SNRPA1: variants seen among roughly 807,000 people sequenced by gnomAD.
The protein encoded by SNRPA1 is U2 small nuclear ribonucleoprotein A'.
Under a neutral mutation model 32.3 loss-of-function variants are expected in SNRPA1, and 5 were observed. The ratio of observed to expected loss-of-function variants is 0.15; its 90% CI spans 0.08 to 0.33. The LOEUF (loss-of-function observed/expected upper bound fraction) is 0.33. Among genes scored for constraint, SNRPA1 ranks in the 10% least tolerant of loss-of-function variants. The pLI, the probability that SNRPA1 is intolerant of heterozygous loss-of-function variation, is 1.00. For synonymous variants in SNRPA1, 111 were observed against 120.1 expected, an observed-to-expected ratio of 0.92 and a Z score of 0.50; for missense variants, 198 against 311.1, an observed-to-expected ratio of 0.64 and a Z score of 2.74.
At chr15:101,290,793 G>A (rs977426743) in intron 3 of SNRPA1, among the ~76,000 whole-genome samples, 2 of 146,660 alleles carry the variant, frequency 1.4e-5, no homozygotes, top group South Asian at 2.2e-4. Flanking sequence ...CCAGGCTGGA[G>A]TGCAGTGGCA....
At chr15:101,286,400 G>C in intron 5 of SNRPA1, 107 bp from the exon 6 acceptor site, 3 of 926,478 alleles carry the variant, frequency 3.2e-6, no homozygotes, top group South Asian at 3.6e-5. Context: ...ACTCCGGGCT[G>C]GTGAAAATAC....
At chr15:101,290,640 T>A (rs1033506575) in intron 3 of SNRPA1, among the ~76,000 whole-genome samples, 1 of 151,644 alleles carries the variant, frequency 6.6e-6, no homozygotes, top group Admixed American at 6.6e-5. Context: ...GACATGATCA[T>A]GTCTCACTGC....
rs1009826673 is a variant in SNRPA1, at chr15:101,294,040, C to A, written c.83-868G>T. On this transcript the variant is annotated intron_variant, in intron 1 of 8. Coordinates refer to ENST00000254193, the MANE Select transcript of SNRPA1 (RefSeq NM_003090.4). Reference sequence around the variant, plus strand: ...CCTGAGGTCGGGAGTTCGAGACCAGCCTGACCAACATGGAGAAACCATGTC... The same window carrying A: ...CCTGAGGTCGGGAGTTCGAGACCAGACTGACCAACATGGAGAAACCATGTC... Among the ~76,000 whole-genome samples the A allele has an allele frequency of 4.9e-4, 74 of 152,310 alleles. 1 individual carries two copies. The highest frequency in any genetic ancestry group is 1.7e-3 in the African/African-American group (71 of 41,554).
intron 8 of SNRPA1, among the ~76,000 whole-genome samples, chr15:101,282,309 G>T (rs1391304619): frequency 6.6e-6 from 1 of 152,206 alleles, no homozygotes; most frequent in Non-Finnish European, 1.5e-5. Flanking sequence ...AATTGTTTGG[G>T]AAACAATTGT....
rs1161412600 is a variant in SNRPA1, at chr15:101,295,164, C to T, written c.15G>A (p.Thr5=). Reference sequence around the variant, plus strand: ...GCGCCGCCTGCTCGATCAGCTCCGCCGTCAGCTTGACCATCCTGCAGCCTC... The same window carrying T: ...GCGCCGCCTGCTCGATCAGCTCCGCTGTCAGCTTGACCATCCTGCAGCCTC... The part of the protein sequence containing the change: MVKL[T]AELIEQAAQY... The change falls in exon 1 of 9, where the codon ACG becomes ACA. Residue 5 remains threonine, a synonymous_variant. Transcript: ENST00000254193. 2.6e-6 allele frequency: 4 copies of T among 1,555,680 alleles called. No homozygotes were observed. Among genetic ancestry groups the T allele is most frequent in the Middle Eastern group, 2.2e-4 (1 of 4,466 alleles).
Position 101,283,204 on chromosome 15 carries a change from T to C in SNRPA1, c.710-1422A>G, listed in dbSNP as rs1297496216. On this transcript the variant is annotated intron_variant, in intron 8 of 8. Transcript: ENST00000254193. ...CGCAGTTCTACCCACTATTGCTCCA[T>C]CAGTGCAAATGTTCATACTAAAGCA... 7.2e-5 allele frequency among the ~76,000 whole-genome samples: 11 copies of C among 152,310 alleles called. 1 individual carries two copies. In the South Asian group the frequency reaches 2.3e-3, roughly 32 times the overall value.
chr15:101,295,003 G>T, intron 1 of SNRPA1, 94 bp downstream of exon 1: 1 of 794,442 alleles, frequency 1.3e-6, no homozygotes, highest in Non-Finnish European at 1.8e-6. Flanking sequence ...CGGCCCGCGG[G>T]CCAAGCTCCG....
chr15:101,287,009 T>C lies in SNRPA1; in HGVS notation c.358A>G (p.Ile120Val). 6.4e-7 allele frequency: 1 copy of C among 1,563,470 alleles called. No individual in the cohort carries two copies. The highest frequency in any genetic ancestry group is 8.8e-7 in the Non-Finnish European group (1 of 1,135,268). ...TTATTGGTTACCGGATTTCTTAGGA[T>C]ACTACAAGAAAAGGAATGACACAAT... is the stretch of plus-strand genomic sequence containing the variant. ...ASLKSLTYLS[I>V]LRNPVTNKKH... The change falls in exon 5 of 9, where the codon ATC (isoleucine) becomes GTC (valine). Residue 120 changes from isoleucine (I) to valine (V), a missense_variant and splice_region_variant. Physicochemically the swap from Ile to Val is conservative, Grantham distance 29 (BLOSUM62 3). Around this residue, in one of 3 missense-constraint regions of SNRPA1, gnomAD observed 119 missense variants for 171.6 expected, o/e 0.69. Transcript: ENST00000254193.
chr15:101,282,263 T>A (rs1448007003), intron 8 of SNRPA1, among the ~76,000 whole-genome samples: 1 of 152,268 alleles, frequency 6.6e-6, no homozygotes, highest in African/African-American at 2.4e-5. Context: ...TTTTGCTCAA[T>A]GTATTCCAGG....
At chr15:101,284,109 G>A (rs1452138741) in intron 8 of SNRPA1, among the ~76,000 whole-genome samples, 1 of 152,220 alleles carries the variant, frequency 6.6e-6, no homozygotes, top group African/African-American at 2.4e-5. Flanking sequence ...TGCCCCACAT[G>A]CAGCCTAGCA....
At chr15:101,285,261 AAG>A (rs1416147447) in intron 7 of SNRPA1, 2 of 539,020 alleles carry the variant, frequency 3.7e-6, no homozygotes, top group African/African-American at 3.8e-5. Context: ...AAAATTGGTG[AAG>A]AGATGCAGGC....
rs1425568113 is a variant in SNRPA1, at chr15:101,295,217, T to A, written c.-39A>T. 4.0e-6 allele frequency: 6 copies of A among 1,484,992 alleles called. No individual in the cohort carries two copies. The highest frequency in any genetic ancestry group is 4.5e-5 in the Admixed American group (2 of 43,990). The allele number at this position is 1,484,992 out of a possible 1,614,324, so 92.0% of individuals were successfully genotyped here. On this transcript the variant is annotated 5_prime_UTR_variant, in exon 1 of 9. Transcript: ENST00000254193. Reference sequence around the variant, plus strand: ...GTTCCCCCGCGCTGTGGAAAGCCCGTGGCCTCCCGCCAGCGAGACGTCCCA... The same window carrying A: ...GTTCCCCCGCGCTGTGGAAAGCCCGAGGCCTCCCGCCAGCGAGACGTCCCA...
chr15:101,294,295 A>G (rs552929019), intron 1 of SNRPA1, among the ~76,000 whole-genome samples: 3 of 152,318 alleles, frequency 2.0e-5, no homozygotes, highest in African/African-American at 7.2e-5. Flanking sequence ...ATCTAAGCAG[A>G]TCCCGCAGCG....
intron 8 of SNRPA1, among the ~76,000 whole-genome samples, chr15:101,284,363 C>T (rs59542966): frequency 0.099 from 15,088 of 152,234 alleles, 2,095 homozygotes; most frequent in African/African-American, 0.31. Context: ...ACTGAGGTAT[C>T]ATGCACACAC....
intron 5 of SNRPA1, chr15:101,286,597 A>G (rs894255207): frequency 2.2e-6 from 1 of 464,384 alleles, no homozygotes; most frequent in African/African-American, 2.0e-5. Flanking sequence ...GAGCTGCACG[A>G]AAGTAGGTTA....
Position 101,285,022 on chromosome 15 carries a change from C to T in SNRPA1, c.654G>A (p.Glu218=), listed in dbSNP as rs2039439476. ...IANASTLAEV[E]RLKGLLQSGQ... ...CAGACTGCAGCAACCCCTTCAGCCTCTCCACTTCAGCCAGAGTTGAAGCAT... is the reference window on the plus strand; with the variant it reads ...CAGACTGCAGCAACCCCTTCAGCCTTTCCACTTCAGCCAGAGTTGAAGCAT... Residue 218 remains glutamate (E), a synonymous_variant, in exon 8 of 9, where the codon GAG becomes GAA. Transcript: ENST00000254193. 1 of 1,613,904 alleles carries T rather than the reference C, an allele frequency of 6.2e-7. No individual in the cohort carries two copies.
Position 101,287,024 on chromosome 15 carries a change from A to T in SNRPA1, c.357-14T>A, listed in dbSNP as rs776424116. On this transcript the variant is annotated splice_polypyrimidine_tract_variant and intron_variant, in intron 4 of 8. Coordinates refer to ENST00000254193, the MANE Select transcript of SNRPA1 (RefSeq NM_003090.4). Reference sequence around the variant, plus strand: ...TTTCTTAGGATACTACAAGAAAAGGAATGACACAATGGCAAACTTGTTCAT... The same window carrying T: ...TTTCTTAGGATACTACAAGAAAAGGTATGACACAATGGCAAACTTGTTCAT... The T allele has an allele frequency of 2.8e-6, 4 of 1,419,628 alleles. No individual in the cohort carries two copies. Among genetic ancestry groups the T allele is most frequent in the South Asian group, 1.2e-5 (1 of 86,624 alleles). 87.9% of individuals were successfully genotyped at this position (1,419,628 alleles called of 1,614,324 possible).
At chr15:101,291,316 T>C (rs893491731) in intron 3 of SNRPA1, among the ~76,000 whole-genome samples, 1 of 152,246 alleles carries the variant, frequency 6.6e-6, no homozygotes, top group Non-Finnish European at 1.5e-5. Flanking sequence ...CCAAGTGGAT[T>C]GTTCATCTAA....
At chr15:101,284,430 T>C (rs1165134222) in intron 8 of SNRPA1, among the ~76,000 whole-genome samples, 1 of 152,046 alleles carries the variant, frequency 6.6e-6, no homozygotes, top group Non-Finnish European at 1.5e-5. Flanking sequence ...GTGCACTCCA[T>C]GGCTGAAGTA....
Sources: allele counts gnomAD v4.1 joint callset (sites outside exome capture counted in the v4.1 genomes callset), GRCh38; gene constraint gnomAD v4.1.1; regional missense constraint gnomAD v4.1.1; transcripts MANE v1.5; gene names NCBI Gene and HGNC (gene_info 2026-07-23, HGNC 2026-07-21).